The following ADAMTSL1 variants were observed in gnomAD, a reference collection of about 807,000 sequenced individuals.
The protein encoded by ADAMTSL1 is ADAMTS-like protein 1.
In ADAMTSL1, 126 loss-of-function variants were observed where a neutral mutation model predicts 201.8. That is an observed-to-expected ratio of 0.62 (90% confidence interval 0.54 to 0.72). The LOEUF is 0.72. ADAMTSL1 is among the 30% of genes least tolerant of loss of function. ADAMTSL1 has a pLI of 0.00. For synonymous variants in ADAMTSL1, 1,121 were observed against 903.4 expected, an observed-to-expected ratio of 1.24 and a Z score of -4.32; for missense variants, 2,679 against 2,277.8, an observed-to-expected ratio of 1.18 and a Z score of -3.59.
intron 23 of ADAMTSL1, among the ~76,000 whole-genome samples, chr9:18,879,908 C>T (rs1234582283): frequency 2.0e-5 from 3 of 152,208 alleles, no homozygotes; most frequent in African/African-American, 7.2e-5. Context: ...AACCCTGCCA[C>T]TGCTTTATTA....
chr9:18,106,778 T>C (rs2131866196), intron 1 of ADAMTSL1, among the ~76,000 whole-genome samples: 1 of 152,282 alleles, frequency 6.6e-6, no homozygotes, highest in East Asian at 1.9e-4. Flanking sequence ...TAGCAGCAAT[T>C]GTACATTTGA....
intron 23 of ADAMTSL1, among the ~76,000 whole-genome samples, chr9:18,859,286 C>T (rs562480036): frequency 2.1e-4 from 32 of 152,310 alleles, no homozygotes; most frequent in Admixed American, 3.3e-4. Context: ...ACCTGCATCC[C>T]TTGGCTGTGG....
chr9:18,047,705 T>C (rs1296698760), intron 1 of ADAMTSL1, among the ~76,000 whole-genome samples: 1 of 152,182 alleles, frequency 6.6e-6, no homozygotes, highest in Non-Finnish European at 1.5e-5. Context: ...TAAATTGGCA[T>C]GCTGGTATAT....
intron 15 of ADAMTSL1, chr9:18,723,714 A>C (rs942372935): frequency 1.3e-5 from 2 of 152,684 alleles, no homozygotes; most frequent in African/African-American, 4.8e-5. Flanking sequence ...CATTTGTAGA[A>C]GGTTGCTAAT....
At position 18,638,888 on chromosome 9, in the gene ADAMTSL1, C is replaced by G. The variant is rs187966131; in HGVS notation, c.677-366C>G. Reference sequence around the variant, plus strand: ...GAGCAAAAAGAAAACTGGAGGGTATCCTAGGCTGAGGGCCATCAAGATTGA... The same window carrying G: ...GAGCAAAAAGAAAACTGGAGGGTATGCTAGGCTGAGGGCCATCAAGATTGA... On this transcript the variant is annotated intron_variant, in intron 6 of 28. Transcript: ENST00000380548. Among the ~76,000 whole-genome samples, 14 of 152,098 alleles carry G rather than the reference C, an allele frequency of 9.2e-5. No individual in the cohort carries two copies. The East Asian group carries it at 2.1e-3, about 23-fold the overall frequency.
intron 4 of ADAMTSL1, among the ~76,000 whole-genome samples, chr9:18,601,345 G>A (rs10810994): frequency 0.26 from 40,042 of 152,098 alleles, 6,212 homozygotes; most frequent in East Asian, 0.49. Context: ...AAGCTCAAAG[G>A]CCAGGCCTCA....
In ADAMTSL1 at chr9:18,283,916, T is replaced by TAA. The variant is rs71333034; in HGVS notation, c.207+119948_207+119949dup. Among the ~76,000 whole-genome samples, 37 of 26,618 alleles carry TAA rather than the reference T, an allele frequency of 1.4e-3. 5 individuals are homozygous for TAA. The highest frequency in any genetic ancestry group is 0.026 in the Middle Eastern group (1 of 38). 17.5% of individuals were successfully genotyped at this position (26,618 alleles called of 152,430 possible). On this transcript the variant is annotated intron_variant, in intron 2 of 29. Transcript: ENST00000680146. ...CTGGGCAACAGAGCAAGACTCCGTC[T>TAA]AAAAAAAAAAAAAAGAAGAAGAAGA...
At chr9:17,941,558 T>C (rs1827239193) in intron 1 of ADAMTSL1, among the ~76,000 whole-genome samples, 1 of 152,144 alleles carries the variant, frequency 6.6e-6, no homozygotes, top group African/African-American at 2.4e-5. Flanking sequence ...CTACCATTTA[T>C]CCTATAAATT....
intron 23 of ADAMTSL1, among the ~76,000 whole-genome samples, chr9:18,840,775 G>T (rs1049299321): frequency 6.7e-6 from 1 of 149,656 alleles, no homozygotes; most frequent in Non-Finnish European, 1.5e-5. Flanking sequence ...TGGATTCCTA[G>T]GTATTTTATT....
At chr9:18,522,365 C>T (rs570448914) in intron 2 of ADAMTSL1, among the ~76,000 whole-genome samples, 4 of 152,190 alleles carry the variant, frequency 2.6e-5, no homozygotes, top group Non-Finnish European at 5.9e-5. Context: ...AGTACACTTG[C>T]ACTTGTTTCT....
At chr9:18,043,695 A>G (rs1182960503) in intron 1 of ADAMTSL1, among the ~76,000 whole-genome samples, 4 of 152,106 alleles carry the variant, frequency 2.6e-5, no homozygotes, top group African/African-American at 9.7e-5. Flanking sequence ...TTGTAGTGAA[A>G]ACACATTTAT....
intron 2 of ADAMTSL1, among the ~76,000 whole-genome samples, chr9:18,531,839 C>A (rs1188276702): frequency 6.6e-6 from 1 of 152,144 alleles, no homozygotes; most frequent in East Asian, 1.9e-4. Flanking sequence ...GCATTGTGAT[C>A]ATGAGTGTGT....
At chr9:18,314,018 A>G (rs1178900420) in intron 2 of ADAMTSL1, among the ~76,000 whole-genome samples, 1 of 152,182 alleles carries the variant, frequency 6.6e-6, no homozygotes, top group Non-Finnish European at 1.5e-5. Flanking sequence ...AAAAATGGGC[A>G]AAGGACTTGA....
chr9:18,109,790 C>T (rs1263330164), intron 1 of ADAMTSL1, among the ~76,000 whole-genome samples: 3 of 152,152 alleles, frequency 2.0e-5, no homozygotes, highest in Non-Finnish European at 2.9e-5. Flanking sequence ...CTTGCAATTG[C>T]ACAGTTGCCT....
chr9:18,868,329 G>A (rs1261470463), intron 23 of ADAMTSL1, among the ~76,000 whole-genome samples: 1 of 152,036 alleles, frequency 6.6e-6, no homozygotes, highest in Non-Finnish European at 1.5e-5. Context: ...TCCTCATTAT[G>A]TATTACATTT....
At chr9:18,290,769 C>CTTTTT (rs1345749640) in intron 2 of ADAMTSL1, among the ~76,000 whole-genome samples, 2 of 82,718 alleles carry the variant, frequency 2.4e-5, no homozygotes, top group South Asian at 5.2e-4. Flanking sequence ...TGAAAGCTGG[C>CTTTTT]TTTTTTTGTG....
chr9:18,338,428 T>A (rs1835337630), intron 2 of ADAMTSL1, among the ~76,000 whole-genome samples: 1 of 151,930 alleles, frequency 6.6e-6, no homozygotes. Context: ...CTTATGTAAC[T>A]GATTATCCCC....
chr9:18,598,655 A>G (rs1332646928), intron 4 of ADAMTSL1, among the ~76,000 whole-genome samples: 3 of 152,144 alleles, frequency 2.0e-5, no homozygotes, highest in Non-Finnish European at 4.4e-5. Context: ...ACAATGCAAC[A>G]TTCCAAAAAC....
chr9:18,541,091 A>G (rs188572891), intron 3 of ADAMTSL1, among the ~76,000 whole-genome samples: 1 of 152,356 alleles, frequency 6.6e-6, no homozygotes, highest in East Asian at 1.9e-4. Flanking sequence ...CAGATGGGAC[A>G]TGTCTTTTCT....
Sources: gnomAD v4.1 joint callset for allele counts (sites outside exome capture counted in the v4.1 genomes callset) on GRCh38, gnomAD v4.1.1 for gene constraint, MANE v1.5 for transcripts, NCBI Gene and HGNC (gene_info 2026-07-23, HGNC 2026-07-21) for gene names.